The following MAPKAP1 variants were observed in gnomAD, a reference collection of about 807,000 sequenced individuals.
MAPKAP1 encodes MAPK associated protein 1.
Under a neutral mutation model 65.7 loss-of-function variants are expected in MAPKAP1, and 20 were observed. That is an observed-to-expected ratio of 0.30 (90% CI 0.21 to 0.44). MAPKAP1 has a LOEUF of 0.44. Ranked by LOEUF, MAPKAP1 falls within the 20% of genes least tolerant of loss-of-function variation. The pLI is 1.00. For synonymous variants in MAPKAP1, 222 were observed against 244.3 expected (o/e 0.91, Z 0.85); for missense variants, 423 against 648.0 (o/e 0.65, Z 3.77).
chr9:125,522,248 G>C (rs1439795807), intron 7 of MAPKAP1, among the ~76,000 whole-genome samples: 2 of 152,086 alleles, frequency 1.3e-5, no homozygotes, highest in Non-Finnish European at 2.9e-5. Context: ...GCTCTTTTTT[G>C]CTTCTAATTT....
chr9:125,673,752 C>T (rs1392046864), intron 1 of MAPKAP1, among the ~76,000 whole-genome samples: 1 of 151,554 alleles, frequency 6.6e-6, no homozygotes, highest in African/African-American at 2.4e-5. Flanking sequence ...AAAACTCTAT[C>T]TCTACAAAAA....
chr9:125,681,871 A>G (rs1456416019), intron 1 of MAPKAP1, among the ~76,000 whole-genome samples: 2 of 152,190 alleles, frequency 1.3e-5, no homozygotes, highest in Non-Finnish European at 2.9e-5. Context: ...CCCGGGCTCA[A>G]GTGATCCTCC....
Position 125,652,420 on chromosome 9 carries a change from T to G in MAPKAP1, c.498+5231A>C, listed in dbSNP as rs927318827. ...TCCCCTGATACATTTTAAACAAAGT[T>G]TAATTTAAGGAACTGCTTCTATCAA... is the stretch of plus-strand genomic sequence containing the variant. On this transcript the variant is annotated intron_variant, in intron 4 of 11. Transcript: ENST00000265960. 2.0e-5 allele frequency among the ~76,000 whole-genome samples: 3 copies of G among 152,316 alleles called. No homozygotes were observed. In the East Asian group the frequency reaches 5.8e-4, roughly 29 times the overall value.
intron 7 of MAPKAP1, among the ~76,000 whole-genome samples, chr9:125,510,554 A>C (rs1380725915): frequency 6.6e-6 from 1 of 152,132 alleles, no homozygotes; most frequent in Admixed American, 6.5e-5. Flanking sequence ...GAATACTGCT[A>C]ATATTCTACG....
intron 3 of MAPKAP1, among the ~76,000 whole-genome samples, 172 bp from the exon 4 acceptor site, chr9:125,657,971 GAA>G (rs1834079802): frequency 6.6e-6 from 1 of 152,224 alleles, no homozygotes; most frequent in Non-Finnish European, 1.5e-5. Context: ...GCAGAGCACG[GAA>G]GAACGTGCAG....
chr9:125,518,330 C>A (rs1427665449), intron 7 of MAPKAP1, among the ~76,000 whole-genome samples: 1 of 151,524 alleles, frequency 6.6e-6, no homozygotes, highest in Admixed American at 6.7e-5. Flanking sequence ...ATCTGTAATC[C>A]CATACTACAT....
rs543253750 is a variant in MAPKAP1, at chr9:125,636,424, G to A, written c.498+21227C>T. On this transcript the variant is annotated intron_variant, in intron 4 of 11. Transcript: ENST00000265960. ...AACGCATATATATCAAGATACAATA[G>A]AGACAAATTAGATAATTCAAAATTC... Among the ~76,000 whole-genome samples the A allele has an allele frequency of 7.2e-5, 11 of 152,334 alleles. 1 individual carries two copies. The highest frequency in any genetic ancestry group is 5.2e-4 in the Admixed American group (8 of 15,304).
At position 125,606,473 on chromosome 9, in the gene MAPKAP1, T is replaced by TGATC. The variant is rs1832441955; in HGVS notation, c.499-20750_499-20747dup. ...GTATTGTGCCTTTCTCTAAGTCATG[T>TGATC]GATCCCATTTACCCTCAGTTTCCTC... On this transcript the variant is annotated intron_variant, in intron 4 of 11. Coordinates refer to ENST00000265960, the MANE Select transcript of MAPKAP1 (RefSeq NM_001006617.3). Among the ~76,000 whole-genome samples, 4 of 152,202 alleles carry TGATC rather than the reference T, an allele frequency of 2.6e-5. No homozygotes were observed. In the South Asian group the frequency reaches 8.3e-4, roughly 31 times the overall value.
chr9:125,693,666 CAT>C (rs146100962), intron 1 of MAPKAP1, among the ~76,000 whole-genome samples: 3 of 134,328 alleles, frequency 2.2e-5, no homozygotes, highest in African/African-American at 9.1e-5. Flanking sequence ...CATACACACA[CAT>C]ATACACGTAT....
In MAPKAP1 at chr9:125,457,284, C is replaced by T. The variant is rs549844973; in HGVS notation, c.1345+10688G>A. Among the ~76,000 whole-genome samples the T allele has an allele frequency of 2.2e-4, 33 of 152,226 alleles. No homozygotes were observed. In the South Asian group the frequency reaches 5.0e-3, roughly 23 times the overall value. ...GATTATAGGCATGAGCCACTGTGCC[C>T]GGCCCATTTAGTGAATTTTTTGATT... On this transcript the variant is annotated intron_variant, in intron 10 of 11. Coordinates refer to ENST00000265960, the MANE Select transcript of MAPKAP1 (RefSeq NM_001006617.3).
chr9:125,486,266 A>C lies in MAPKAP1; in HGVS notation c.1067-1683T>G, dbSNP rs140325796. ...AGGTTACACTAAGCAAAGTTAAACT[A>C]TCTCTCAGTCCCTGGACTTTGAAAT... On this transcript the variant is annotated intron_variant, in intron 8 of 11. Coordinates refer to ENST00000265960, the MANE Select transcript of MAPKAP1 (RefSeq NM_001006617.3). Among the ~76,000 whole-genome samples the C allele has an allele frequency of 2.6e-3, 403 of 152,336 alleles. 2 individuals are homozygous for C. Among genetic ancestry groups the C allele is most frequent in the African/African-American group, 8.9e-3 (370 of 41,566 alleles).
intron 4 of MAPKAP1, among the ~76,000 whole-genome samples, chr9:125,602,793 G>A (rs560699545): frequency 1.3e-5 from 2 of 152,252 alleles, no homozygotes; most frequent in Admixed American, 1.3e-4. Flanking sequence ...AGAGCTGTTC[G>A]TTAAGTAGGC....
intron 6 of MAPKAP1, among the ~76,000 whole-genome samples, chr9:125,546,884 G>A (rs1421081473): frequency 6.6e-6 from 1 of 152,022 alleles, no homozygotes; most frequent in Non-Finnish European, 1.5e-5. Flanking sequence ...CCTCCTGCTC[G>A]CCTCAGGGAC....
intron 4 of MAPKAP1, among the ~76,000 whole-genome samples, chr9:125,591,444 T>A (rs1197508350): frequency 6.6e-6 from 1 of 152,244 alleles, no homozygotes; most frequent in Non-Finnish European, 1.5e-5. Context: ...GGTACTCATA[T>A]GAGTAACACA....
In MAPKAP1 at chr9:125,464,444, TA is replaced by T. The variant is rs1853609095; in HGVS notation, c.1345+3527del. 2.0e-5 allele frequency among the ~76,000 whole-genome samples: 3 copies of T among 152,316 alleles called. No homozygotes were observed. The East Asian group carries it at 5.8e-4, about 29-fold the overall frequency. On this transcript the variant is annotated intron_variant, in intron 10 of 11. Coordinates refer to ENST00000265960, the MANE Select transcript of MAPKAP1 (RefSeq NM_001006617.3). ...CAGAGGGAATCACTCATTTGAATAA[TA>T]ATGGCAGCATGTTTTTTTTCTCCTT...
At chr9:125,621,101 G>A (rs893469282) in intron 4 of MAPKAP1, among the ~76,000 whole-genome samples, 3 of 151,914 alleles carry the variant, frequency 2.0e-5, no homozygotes, top group East Asian at 1.9e-4. Context: ...GTAAGGCCCC[G>A]TCTCTACCAA....
chr9:125,679,174 G>A (rs1296217732), intron 1 of MAPKAP1, among the ~76,000 whole-genome samples: 1 of 152,018 alleles, frequency 6.6e-6, no homozygotes, highest in East Asian at 1.9e-4. Context: ...ACTAAGTTTT[G>A]TATTTTTAGT....
chr9:125,658,949 CA>C (rs886713936), intron 3 of MAPKAP1, among the ~76,000 whole-genome samples: 3 of 151,020 alleles, frequency 2.0e-5, no homozygotes, highest in African/African-American at 4.9e-5. Context: ...TTAGAACTTT[CA>C]AAAAAAAATG....
intron 5 of MAPKAP1, chr9:125,567,587 T>A (rs1831098434): frequency 6.6e-6 from 1 of 152,272 alleles, no homozygotes; most frequent in Admixed American, 6.5e-5. Context: ...GGGGCTGCTC[T>A]GTCTGTGGAG....
Sources: allele counts gnomAD v4.1 joint callset (sites outside exome capture counted in the v4.1 genomes callset), GRCh38; gene constraint gnomAD v4.1.1; transcripts MANE v1.5; gene names NCBI Gene and HGNC (gene_info 2026-07-23, HGNC 2026-07-21).